The following SRGAP3 variants were observed in gnomAD, a reference collection of about 807,000 sequenced individuals.
SRGAP3 encodes the protein SLIT-ROBO Rho GTPase activating protein 3.
SRGAP3 carries 39 observed loss-of-function variants against 121.1 expected under a neutral mutation model. That is an observed-to-expected ratio of 0.32 (90% CI 0.25 to 0.42). SRGAP3 has a LOEUF of 0.42. Among genes scored for constraint, SRGAP3 ranks in the 10% least tolerant of loss-of-function variants. The probability of loss-of-function intolerance (pLI) is 1.00; values close to 1 mark genes in which losing one functional copy is unlikely to be tolerated. For synonymous variants in SRGAP3, 601 were observed against 570.0 expected (o/e 1.05, Z -0.77); for missense variants, 1,213 against 1,470.6 (o/e 0.82, Z 2.86).
At chr3:9,280,111 G>A (rs1378848727) in intron 3 of SRGAP3, among the ~76,000 whole-genome samples, 1 of 152,192 alleles carries the variant, frequency 6.6e-6, no homozygotes, top group Non-Finnish European at 1.5e-5. Flanking sequence ...TGAAAAGCTT[G>A]TAAACACAGC....
chr3:8,986,064 A>G, intron 21 of SRGAP3, 132 bp from the exon 22 acceptor site: 1 of 1,527,132 alleles, frequency 6.5e-7, no homozygotes, highest in Non-Finnish European at 8.8e-7. Context: ...TTAAGTCCTC[A>G]GGATGTCTTA....
chr3:9,143,298 T>G (rs1949921397), intron 1 of SRGAP3, among the ~76,000 whole-genome samples: 1 of 152,174 alleles, frequency 6.6e-6, no homozygotes, highest in South Asian at 2.1e-4. Context: ...GCATTCCTCT[T>G]CCCTCAACCT....
At chr3:9,254,970 G>A (rs1054662158) in intron 3 of SRGAP3, among the ~76,000 whole-genome samples, 15 of 148,948 alleles carry the variant, frequency 1.0e-4, no homozygotes, top group African/African-American at 3.7e-4. Context: ...AAGAAAGAAA[G>A]GGGAAAGAAA....
Position 9,010,333 on chromosome 3 carries a change from G to C in SRGAP3, c.2202C>G (p.Gly734=). 6.2e-7 allele frequency: 1 copy of C among 1,614,112 alleles called. No homozygotes were observed. Among genetic ancestry groups the C allele is most frequent in the Non-Finnish European group, 8.5e-7 (1 of 1,180,014 alleles). ...GAIDEVDHDN[G]TEPHTSDEEV... Reference sequence around the variant, plus strand: ...CTTCATCGCTGGTATGAGGCTCAGTGCCATTGTCATGGTCAACTTCATCGA... The same window carrying C: ...CTTCATCGCTGGTATGAGGCTCAGTCCCATTGTCATGGTCAACTTCATCGA... Residue 734 remains glycine (G), a synonymous_variant, in exon 18 of 22, where the codon GGC becomes GGG. Transcript: ENST00000383836.
chr3:9,202,741 G>A (rs977581703), intron 1 of SRGAP3, among the ~76,000 whole-genome samples: 4 of 152,194 alleles, frequency 2.6e-5, no homozygotes, highest in South Asian at 2.1e-4. Context: ...TCTGTGCCTC[G>A]CAGCTGAGGC....
chr3:9,126,498 CA>C (rs1391588467), intron 1 of SRGAP3, among the ~76,000 whole-genome samples: 1 of 152,098 alleles, frequency 6.6e-6, no homozygotes, highest in Non-Finnish European at 1.5e-5. Flanking sequence ...GGCATAGTGG[CA>C]GGCGCCTGGA....
At chr3:9,158,766 T>A (rs1311348864) in intron 1 of SRGAP3, among the ~76,000 whole-genome samples, 1 of 152,026 alleles carries the variant, frequency 6.6e-6, no homozygotes, top group African/African-American at 2.4e-5. Flanking sequence ...CAGGTCTGAG[T>A]CTCTCCTGTG....
chr3:9,241,198 C>T (rs1248462948), intron 1 of SRGAP3, among the ~76,000 whole-genome samples: 3 of 151,700 alleles, frequency 2.0e-5, no homozygotes, highest in Admixed American at 6.6e-5. Context: ...TTACAGGGAT[C>T]ACAAAATTAG....
Position 9,032,758 on chromosome 3 carries a change from G to T in SRGAP3, c.1437-6C>A. 6.2e-7 allele frequency: 1 copy of T among 1,612,290 alleles called. No individual in the cohort carries two copies. Among genetic ancestry groups the T allele is most frequent in the Non-Finnish European group, 8.5e-7 (1 of 1,178,706 alleles). On this transcript the variant is annotated splice_region_variant and splice_polypyrimidine_tract_variant and intron_variant, in intron 11 of 21. Coordinates refer to ENST00000383836, the MANE Select transcript of SRGAP3 (RefSeq NM_014850.4). Reference sequence around the variant, plus strand: ...TAGGGGGAAGACAGGGGGGCCTAGGGGAAAACGGAACAAAAGAAATCAAGA... The same window carrying T: ...TAGGGGGAAGACAGGGGGGCCTAGGTGAAAACGGAACAAAAGAAATCAAGA...
intron 3 of SRGAP3, among the ~76,000 whole-genome samples, chr3:9,319,241 G>C (rs1462033138): frequency 6.6e-6 from 1 of 151,874 alleles, no homozygotes; most frequent in Admixed American, 6.5e-5. Context: ...CAAACCCAGC[G>C]ATGCTGGTTC....
intron 3 of SRGAP3, among the ~76,000 whole-genome samples, chr3:9,084,676 T>C (rs1435592290): frequency 6.6e-6 from 1 of 152,180 alleles, no homozygotes; most frequent in African/African-American, 2.4e-5. Flanking sequence ...CCAGTTCCCG[T>C]AGCAAGCATA....
rs745624316 is a variant in SRGAP3 at position 9,184,151 on chromosome 3, A to G, written c.68-59234T>C. Among the ~76,000 whole-genome samples the G allele has an allele frequency of 3.9e-4, 60 of 152,192 alleles. 1 individual carries two copies. The highest frequency in any genetic ancestry group is 1.2e-3 in the Admixed American group (18 of 15,282). ...AGCCAGGTGTCTCTGCATTGCCCAC[A>G]CCCTCGACTTCCTCCCATTTCAATC... On this transcript the variant is annotated intron_variant, in intron 1 of 21. Transcript: ENST00000383836.
chr3:9,236,459 A>AC (rs1574919218), intron 1 of SRGAP3, among the ~76,000 whole-genome samples: 1 of 151,680 alleles, frequency 6.6e-6, no homozygotes, highest in East Asian at 1.9e-4. Context: ...GGCTGGTGGG[A>AC]GGTGATTGGA....
intron 3 of SRGAP3, among the ~76,000 whole-genome samples, chr3:9,087,282 A>T (rs1306217329): frequency 6.6e-6 from 1 of 152,088 alleles, no homozygotes. Flanking sequence ...ACCTAGCACC[A>T]TATGAGGCAC....
intron 17 of SRGAP3, among the ~76,000 whole-genome samples, chr3:9,011,994 G>C (rs1318180724): frequency 4.6e-5 from 7 of 152,204 alleles, no homozygotes; most frequent in Admixed American, 2.6e-4. Flanking sequence ...AACTGGTAAT[G>C]GTTGCAAAAA....
chr3:9,130,342 C>A (rs113612602), intron 1 of SRGAP3, among the ~76,000 whole-genome samples: 97 of 152,332 alleles, frequency 6.4e-4, no homozygotes, highest in African/African-American at 2.2e-3. Flanking sequence ...ACAAACTACA[C>A]AGGTCCCCTC....
chr3:9,349,794 T>C (rs2029977868), intron 1 of SRGAP3: 1 of 152,274 alleles, frequency 6.6e-6, no homozygotes, highest in African/African-American at 2.4e-5. Context: ...GTCCCACATG[T>C]GGTCATCAGA....
At chr3:9,357,416 A>G (rs188456994) in intron 1 of SRGAP3, among the ~76,000 whole-genome samples, 11 of 152,140 alleles carry the variant, frequency 7.2e-5, no homozygotes, top group Admixed American at 1.3e-4. Flanking sequence ...TCTTAGCATA[A>G]TATTTCAAAA....
chr3:9,174,348 A>G (rs929248883), intron 1 of SRGAP3, among the ~76,000 whole-genome samples: 22 of 152,102 alleles, frequency 1.4e-4, no homozygotes, highest in African/African-American at 4.8e-4. Flanking sequence ...ATTTTCTGCT[A>G]TGTGTTTTTT....
Sources: allele counts gnomAD v4.1 joint callset (sites outside exome capture counted in the v4.1 genomes callset), GRCh38; gene constraint gnomAD v4.1.1; transcripts MANE v1.5; gene names NCBI Gene and HGNC (gene_info 2026-07-23, HGNC 2026-07-21).